STXBP6: variants seen among roughly 807,000 people sequenced by gnomAD.
STXBP6 encodes syntaxin binding protein 6.
STXBP6 carries 21 observed loss-of-function variants against 26.9 expected under a neutral mutation model. That is an observed-to-expected ratio of 0.78 (90% CI 0.55 to 1.12). The LOEUF is 1.12. Among genes scored for constraint, STXBP6 ranks in the 50% most tolerant of loss-of-function variants. The pLI is 0.00. For synonymous variants in STXBP6, 97 were observed against 92.6 expected (o/e 1.05, Z -0.27); for missense variants, 232 against 257.9 (o/e 0.90, Z 0.69).
At chr14:24,952,095 G>C (rs1417912115) in intron 2 of STXBP6, among the ~76,000 whole-genome samples, 1 of 151,342 alleles carries the variant, frequency 6.6e-6, no homozygotes, top group Non-Finnish European at 1.5e-5. Context: ...ATAATCCAGT[G>C]AGAGGCAGTG....
chr14:24,867,758 G>A (rs1268579149), intron 2 of STXBP6, among the ~76,000 whole-genome samples: 1 of 152,122 alleles, frequency 6.6e-6, no homozygotes, highest in Non-Finnish European at 1.5e-5. Context: ...TTGGGTTACG[G>A]CAAAGATTTC....
At chr14:25,043,104 A>G (rs1302344183) in intron 1 of STXBP6, among the ~76,000 whole-genome samples, 1 of 152,236 alleles carries the variant, frequency 6.6e-6, no homozygotes, top group Non-Finnish European at 1.5e-5. Context: ...ATCACAAGGA[A>G]GCCTGAATAG....
At chr14:24,941,518 G>A (rs752577614) in intron 2 of STXBP6, among the ~76,000 whole-genome samples, 4 of 152,234 alleles carry the variant, frequency 2.6e-5, no homozygotes, top group Non-Finnish European at 2.9e-5. Context: ...GTATGTAGCG[G>A]TAGGGAAAAG....
intron 2 of STXBP6, among the ~76,000 whole-genome samples, chr14:24,889,019 A>G (rs887824251): frequency 1.3e-5 from 2 of 152,224 alleles, no homozygotes; most frequent in Admixed American, 1.3e-4. Flanking sequence ...TTCCCTGGGG[A>G]ATCTCACCTA....
chr14:24,883,547 G>A (rs1187690672), intron 2 of STXBP6, among the ~76,000 whole-genome samples: 1 of 152,184 alleles, frequency 6.6e-6, no homozygotes, highest in Non-Finnish European at 1.5e-5. Flanking sequence ...ATGAATGGTA[G>A]AAGCCTCAAA....
At chr14:24,936,056 T>A (rs1038748915) in intron 2 of STXBP6, among the ~76,000 whole-genome samples, 2 of 152,232 alleles carry the variant, frequency 1.3e-5, no homozygotes, top group Admixed American at 6.5e-5. Context: ...TAGAACCAGA[T>A]GTCTTTGAAC....
chr14:24,979,849 T>G (rs996783780), intron 1 of STXBP6, among the ~76,000 whole-genome samples: 6 of 152,204 alleles, frequency 3.9e-5, no homozygotes, highest in South Asian at 4.1e-4. Flanking sequence ...ATTTTGATGC[T>G]TCCTCTAAAG....
intron 4 of STXBP6, among the ~76,000 whole-genome samples, chr14:24,853,060 C>A (rs2069209502): frequency 6.6e-6 from 1 of 152,052 alleles, no homozygotes; most frequent in Non-Finnish European, 1.5e-5. Flanking sequence ...TGGTGTTGGG[C>A]AGCATACTAA....
At chr14:24,844,572 T>TG (rs923444160) in intron 4 of STXBP6, among the ~76,000 whole-genome samples, 18 of 152,178 alleles carry the variant, frequency 1.2e-4, no homozygotes, top group South Asian at 8.3e-4. Flanking sequence ...TCCAGAGAAT[T>TG]GGAGAGTTAC....
At chr14:24,967,467 A>C (rs2073770876) in intron 2 of STXBP6, among the ~76,000 whole-genome samples, 1 of 152,238 alleles carries the variant, frequency 6.6e-6, no homozygotes, top group African/African-American at 2.4e-5. Flanking sequence ...TCATGTAACC[A>C]ATGGCTATTG....
intron 2 of STXBP6, among the ~76,000 whole-genome samples, chr14:24,971,105 T>C (rs190983172): frequency 8.1e-4 from 124 of 152,310 alleles, no homozygotes; most frequent in African/African-American, 2.9e-3. Flanking sequence ...AGAAAGATCA[T>C]CTTATTTATC....
In STXBP6 at chr14:24,821,508, T is replaced by C. The variant is rs112800347; in HGVS notation, c.452-2314A>G. Among the ~76,000 whole-genome samples, 992 of 152,340 alleles carry C rather than the reference T, an allele frequency of 6.5e-3. 12 individuals carry two copies. The highest frequency in any genetic ancestry group is 0.023 in the African/African-American group (956 of 41,574). ...AGATGCTGTCTTCACTGTTGAAAGA[T>C]GACATTGCTGACTACTGCCAATAGG... On this transcript the variant is annotated intron_variant, in intron 4 of 5. Transcript: ENST00000323944.
At chr14:24,945,105 C>T (rs1199066063) in intron 2 of STXBP6, among the ~76,000 whole-genome samples, 1 of 140,866 alleles carries the variant, frequency 7.1e-6, no homozygotes, top group African/African-American at 2.7e-5. Flanking sequence ...AAAAACAATC[C>T]TCAAACTTTG....
chr14:24,844,723 G>A (rs2068896920), intron 4 of STXBP6, among the ~76,000 whole-genome samples: 1 of 152,188 alleles, frequency 6.6e-6, no homozygotes, highest in Non-Finnish European at 1.5e-5. Context: ...CATGGAAACT[G>A]CATTTCAGGT....
chr14:24,952,995 G>A (rs973778073), intron 2 of STXBP6, among the ~76,000 whole-genome samples: 1 of 152,166 alleles, frequency 6.6e-6, no homozygotes, highest in South Asian at 2.1e-4. Context: ...TGGGGAGCAT[G>A]AGGGTGAGAA....
In STXBP6 at chr14:25,007,162, C is replaced by T. The variant is rs144957809; in HGVS notation, c.-32-32312G>A. On this transcript the variant is annotated intron_variant, in intron 1 of 5. Coordinates refer to ENST00000323944, the MANE Select transcript of STXBP6 (RefSeq NM_001394410.1). ...TACATATGTGATTTATCTTGCTGTC[C>T]TCCACAATGCCTTGTATACCCCATC... is the stretch of plus-strand genomic sequence containing the variant. 5.3e-4 allele frequency among the ~76,000 whole-genome samples: 81 copies of T among 152,298 alleles called. 1 individual carries two copies. The highest frequency in any genetic ancestry group is 1.9e-3 in the African/African-American group (80 of 41,578).
At chr14:24,921,832 C>G (rs997304633) in intron 2 of STXBP6, among the ~76,000 whole-genome samples, 1 of 150,160 alleles carries the variant, frequency 6.7e-6, no homozygotes, top group East Asian at 2.0e-4. Context: ...AAGCCACAAC[C>G]CTTACTTTCA....
chr14:24,832,836 C>G (rs1288933045), intron 4 of STXBP6, among the ~76,000 whole-genome samples: 1 of 152,170 alleles, frequency 6.6e-6, no homozygotes, highest in Non-Finnish European at 1.5e-5. Context: ...AAATGCAACC[C>G]ATTTCCATTT....
intron 1 of STXBP6, among the ~76,000 whole-genome samples, chr14:25,033,962 A>G (rs1275505923): frequency 6.6e-6 from 1 of 152,222 alleles, no homozygotes. Flanking sequence ...ATTTTAAACC[A>G]GGAATTTCCT....
Sources: allele counts gnomAD v4.1 joint callset (sites outside exome capture counted in the v4.1 genomes callset), GRCh38; gene constraint gnomAD v4.1.1; transcripts MANE v1.5; gene names NCBI Gene and HGNC (gene_info 2026-07-23, HGNC 2026-07-21).